The following CFAP47 variants were observed in gnomAD, a reference collection of about 807,000 sequenced individuals.
CFAP47 encodes the protein cilia and flagella associated protein 47.
In CFAP47, 29 loss-of-function variants were observed where a neutral mutation model predicts 148.1. The ratio of observed to expected loss-of-function variants is 0.20; its 90% CI spans 0.15 to 0.27. The LOEUF (loss-of-function observed/expected upper bound fraction) is 0.27, where lower values mean the gene tolerates loss of function less well. Among genes scored for constraint, CFAP47 ranks in the 10% least tolerant of loss-of-function variants. The probability of loss-of-function intolerance (pLI) is 1.00; values close to 1 mark genes in which losing one functional copy is unlikely to be tolerated. For synonymous variants in CFAP47, 664 were observed against 577.3 expected (o/e 1.15, Z -2.15); for missense variants, 1,872 against 1,697.5 (o/e 1.10, Z -1.81).
intron 53 of CFAP47, among the ~76,000 whole-genome samples, chrX:36,302,915 A>G (rs1556008070): frequency 8.9e-6 from 1 of 112,285 alleles, no homozygotes; most frequent in African/African-American, 3.2e-5. Flanking sequence ...ATATGGGATA[A>G]CATTAGGTCT....
At chrX:36,133,098 T>C (rs1227439130) in intron 33 of CFAP47, among the ~76,000 whole-genome samples, 1 of 111,276 alleles carries the variant, frequency 9.0e-6, no homozygotes, top group Admixed American at 9.6e-5. Flanking sequence ...GTTAGGGTGA[T>C]TGGCGTATTG....
intron 13 of CFAP47, among the ~76,000 whole-genome samples, chrX:35,972,166 C>T (rs1936503987): frequency 9.0e-6 from 1 of 111,724 alleles, no homozygotes; most frequent in South Asian, 3.8e-4. Context: ...ACCACCTTCG[C>T]AATTTAATTT....
At chrX:36,174,402 T>C (rs1285369795) in intron 39 of CFAP47, among the ~76,000 whole-genome samples, 7 of 110,442 alleles carry the variant, frequency 6.3e-5, no homozygotes, top group African/African-American at 2.3e-4. Context: ...GTCTCGATGG[T>C]CTTTACATTT....
intron 39 of CFAP47, among the ~76,000 whole-genome samples, chrX:36,176,094 T>C (rs1336120412): frequency 8.8e-6 from 1 of 113,057 alleles, no homozygotes; most frequent in Non-Finnish European, 1.9e-5. Context: ...TTTCTTTGAC[T>C]AGGAAAGGGA....
intron 49 of CFAP47, among the ~76,000 whole-genome samples, chrX:36,270,969 C>G: frequency 9.1e-6 from 1 of 110,296 alleles, no homozygotes; most frequent in Non-Finnish European, 1.9e-5. Flanking sequence ...GCCCCAGCCT[C>G]TGTTTTTCAT....
intron 52 of CFAP47, 75 bp downstream of exon 52, chrX:36,299,227 A>G: frequency 1.6e-6 from 1 of 606,192 alleles, no homozygotes; most frequent in South Asian, 8.0e-5. Flanking sequence ...TTTTTCTTAT[A>G]CTATAATCAT....
chrX:36,044,092 G>C, intron 25 of CFAP47, among the ~76,000 whole-genome samples: 1 of 113,193 alleles, frequency 8.8e-6, no homozygotes, highest in Non-Finnish European at 1.9e-5. Flanking sequence ...GCCACAGCTA[G>C]AGCTGGAGCG....
At chrX:36,191,147 C>A (rs1303962160) in intron 42 of CFAP47, among the ~76,000 whole-genome samples, 3 of 111,219 alleles carry the variant, frequency 2.7e-5, no homozygotes, top group Non-Finnish European at 5.7e-5. Flanking sequence ...TTGTTAAATT[C>A]TTTTAAAGGA....
At chrX:36,336,447 A>G (rs1408626064) in intron 57 of CFAP47, among the ~76,000 whole-genome samples, 3 of 111,335 alleles carry the variant, frequency 2.7e-5, no homozygotes. Flanking sequence ...CACCTGACAC[A>G]TACACCTGAA....
At position 36,212,979 on chromosome X, in the gene CFAP47, G is replaced by A. The variant is rs997488422; in HGVS notation, c.6817+7869G>A. On this transcript the variant is annotated intron_variant, in intron 45 of 63. Coordinates refer to ENST00000378653, the MANE Select transcript of CFAP47 (RefSeq NM_001304548.2). The stretch of plus-strand genomic sequence containing the variant: ...AACATAAAAATTAGCTGGGCGTGGT[G>A]GCACAAGCCTGTGATCCTGGCTACT... 3.6e-5 allele frequency among the ~76,000 whole-genome samples: 4 copies of A among 110,797 alleles called. No individual in the cohort carries two copies. In the Admixed American group the frequency reaches 3.9e-4, roughly 11 times the overall value.
chrX:36,027,799 T>C (rs1341565136), intron 22 of CFAP47, among the ~76,000 whole-genome samples: 1 of 111,987 alleles, frequency 8.9e-6, no homozygotes, highest in African/African-American at 3.2e-5. Flanking sequence ...TCACTTTTTT[T>C]CCATAGCCTC....
chrX:36,346,568 C>T (rs1367465321), intron 57 of CFAP47, among the ~76,000 whole-genome samples: 2 of 111,275 alleles, frequency 1.8e-5, no homozygotes, highest in African/African-American at 3.3e-5. Flanking sequence ...TTTGGGGGCT[C>T]TAAGCAGAGA....
At chrX:36,141,661 G>C (rs977237861) in intron 35 of CFAP47, among the ~76,000 whole-genome samples, 1 of 112,088 alleles carries the variant, frequency 8.9e-6, no homozygotes, top group Non-Finnish European at 1.9e-5. Context: ...GAATTCTTGA[G>C]TAAAAGTGGT....
At chrX:35,997,016 T>C (rs1936855195) in intron 18 of CFAP47, among the ~76,000 whole-genome samples, 1 of 111,643 alleles carries the variant, frequency 9.0e-6, no homozygotes, top group Non-Finnish European at 1.9e-5. Context: ...AAATAAAAAT[T>C]GTACTGCAAG....
chrX:36,306,661 C>A, intron 54 of CFAP47, 111 bp from the exon 55 acceptor site: 1 of 401,552 alleles, frequency 2.5e-6, no homozygotes, highest in South Asian at 4.5e-5. Context: ...TGCAAGACAA[C>A]ACATTAATCA....
At chrX:36,194,820 C>T (rs1416306017) in intron 42 of CFAP47, among the ~76,000 whole-genome samples, 2 of 111,872 alleles carry the variant, frequency 1.8e-5, no homozygotes, top group African/African-American at 3.3e-5. Flanking sequence ...CCAGACCCCA[C>T]CTCCAACTTC....
intron 27 of CFAP47, among the ~76,000 whole-genome samples, chrX:36,069,407 A>T (rs1217452711): frequency 9.0e-6 from 1 of 110,877 alleles, no homozygotes; most frequent in Admixed American, 9.6e-5. Flanking sequence ...GCAATAAATA[A>T]TATTGTTATC....
At chrX:36,136,942 C>T (rs1939055670) in intron 33 of CFAP47, among the ~76,000 whole-genome samples, 1 of 111,442 alleles carries the variant, frequency 9.0e-6, no homozygotes, top group Admixed American at 9.5e-5. Flanking sequence ...GTTTACTAGA[C>T]TGATTTTGTG....
chrX:35,925,119 TC>T (rs1438663903), intron 1 of CFAP47, among the ~76,000 whole-genome samples: 1 of 111,721 alleles, frequency 9.0e-6, no homozygotes, highest in Non-Finnish European at 1.9e-5. Flanking sequence ...ACGCCTGTAA[TC>T]CCAGCACTTT....
Sources: gnomAD v4.1 joint callset for allele counts (sites outside exome capture counted in the v4.1 genomes callset) on GRCh38, gnomAD v4.1.1 for gene constraint, MANE v1.5 for transcripts, NCBI Gene and HGNC (gene_info 2026-07-23, HGNC 2026-07-21) for gene names.